RFX3: variants seen among roughly 807,000 people sequenced by gnomAD.
The protein encoded by RFX3 is regulatory factor X3.
In RFX3, 14 loss-of-function variants were observed where a neutral mutation model predicts 98.6. That is an observed-to-expected ratio of 0.14 (90% CI 0.09 to 0.22). The LOEUF is 0.22. RFX3 is among the 10% of genes least tolerant of loss of function. RFX3 has a pLI of 1.00. For missense variants in RFX3, 639 were observed against 926.9 expected (o/e 0.69, Z 4.03); for synonymous variants, 383 against 328.4 (o/e 1.17, Z -1.80).
At chr9:3,428,931 C>T (rs532347869) in intron 1 of RFX3, among the ~76,000 whole-genome samples, 2 of 152,130 alleles carry the variant, frequency 1.3e-5, no homozygotes, top group South Asian at 4.1e-4. Flanking sequence ...CCATTAGGCA[C>T]AGTGCCAAGG....
intron 1 of RFX3, among the ~76,000 whole-genome samples, chr9:3,436,795 A>T (rs1845164863): frequency 6.6e-6 from 1 of 152,056 alleles, no homozygotes; most frequent in South Asian, 2.1e-4. Flanking sequence ...GATCACACCC[A>T]ACTGGAATTC....
chr9:3,234,458 G>C (rs1004491960), intron 15 of RFX3, among the ~76,000 whole-genome samples: 9 of 152,102 alleles, frequency 5.9e-5, no homozygotes, highest in African/African-American at 2.2e-4. Flanking sequence ...GGGCAACATG[G>C]CAAAACCCCA....
In RFX3 at chr9:3,401,734, G is replaced by C. The variant is rs142031009; in HGVS notation, c.-8-6138C>G. ...GAGCAACAGATGCTTGTTTGACAAA[G>C]GACCTTTTTATTCTGGCTAATTAAG... On this transcript the variant is annotated intron_variant, in intron 1 of 16. Transcript: ENST00000617270. Among the ~76,000 whole-genome samples, 4 of 152,254 alleles carry C rather than the reference G, an allele frequency of 2.6e-5. No homozygotes were observed. In the East Asian group the frequency reaches 7.7e-4, roughly 29 times the overall value.
rs1586628048 is a variant in RFX3, at chr9:3,223,120, T to C, written c.*1922A>G. ...AAAGATAAACATCTTGGGTTTAATA[T>C]AGGCCTCATTTGATAATCTGTCAAT... is the stretch of plus-strand genomic sequence containing the variant. On this transcript the variant is annotated 3_prime_UTR_variant, in exon 17 of 17. Transcript: ENST00000617270. The C allele has an allele frequency of 6.6e-6, 1 of 151,898 alleles. No homozygotes were observed. 9.4% of individuals were successfully genotyped at this position (151,898 alleles called of 1,614,324 possible).
At chr9:3,448,531 A>T (rs577883866) in intron 1 of RFX3, among the ~76,000 whole-genome samples, 1 of 152,270 alleles carries the variant, frequency 6.6e-6, no homozygotes, top group African/African-American at 2.4e-5. Context: ...AAAAAAAAAT[A>T]GAGAAGGGTC....
intron 4 of RFX3, among the ~76,000 whole-genome samples, chr9:3,320,566 A>T (rs1223904141): frequency 6.6e-6 from 1 of 151,562 alleles, no homozygotes; most frequent in African/African-American, 2.4e-5. Flanking sequence ...TCCATAAAAA[A>T]AAACAAAAAA....
chr9:3,261,212 A>G (rs552739083), intron 13 of RFX3, among the ~76,000 whole-genome samples: 2 of 152,222 alleles, frequency 1.3e-5, no homozygotes, highest in Non-Finnish European at 2.9e-5. Flanking sequence ...GGATATTCAC[A>G]AAGTTGTACA....
intron 14 of RFX3, among the ~76,000 whole-genome samples, chr9:3,248,918 T>C: frequency 1.3e-5 from 2 of 152,300 alleles, no homozygotes; most frequent in East Asian, 3.9e-4. Context: ...AACTCTATTA[T>C]ATTTAAAATG....
Position 3,339,856 on chromosome 9 carries a change from A to C in RFX3, c.215+6811T>G, listed in dbSNP as rs906217329. 8.5e-5 allele frequency among the ~76,000 whole-genome samples: 13 copies of C among 152,254 alleles called. No homozygotes were observed. The South Asian group carries it at 1.0e-3, about 12-fold the overall frequency. On this transcript the variant is annotated intron_variant, in intron 3 of 16. Coordinates refer to ENST00000617270, the MANE Select transcript of RFX3 (RefSeq NM_001282116.2). ...GGTAATTTATAGATTCAATGCCATC[A>C]CCATCAAGCTACCGATGACTTTCTT...
intron 1 of RFX3, among the ~76,000 whole-genome samples, chr9:3,505,300 A>AAATATAAAATAAAATATTTTTATT (rs1816895694): frequency 3.9e-5 from 4 of 101,858 alleles, no homozygotes; most frequent in South Asian, 3.2e-4. Context: ...ATATTTATAT[A>AAATATAAAATAAAATATTTTTATT]TATATAAATA....
At chr9:3,225,813 C>A (rs529176438) in intron 16 of RFX3, among the ~76,000 whole-genome samples, 1 of 152,106 alleles carries the variant, frequency 6.6e-6, no homozygotes, top group Admixed American at 6.5e-5. Context: ...TGGCACTCAT[C>A]AATGTCACAG....
intron 3 of RFX3, among the ~76,000 whole-genome samples, chr9:3,340,914 A>G (rs1192866342): frequency 6.6e-6 from 1 of 152,234 alleles, no homozygotes; most frequent in Admixed American, 6.5e-5. Context: ...GTACATACCC[A>G]AAGGATTATA....
intron 1 of RFX3, among the ~76,000 whole-genome samples, chr9:3,427,151 T>TG (rs1354503846): frequency 6.7e-6 from 1 of 149,654 alleles, no homozygotes; most frequent in East Asian, 1.9e-4. Flanking sequence ...TTTTGACTAT[T>TG]GGTCATACTT....
At chr9:3,285,026 A>T (rs910790250) in intron 7 of RFX3, among the ~76,000 whole-genome samples, 1 of 151,790 alleles carries the variant, frequency 6.6e-6, no homozygotes, top group African/African-American at 2.4e-5. Flanking sequence ...CTATATAAAA[A>T]CAATAATCAT....
chr9:3,350,046 A>G (rs1232398662), intron 2 of RFX3, among the ~76,000 whole-genome samples: 1 of 152,168 alleles, frequency 6.6e-6, no homozygotes, highest in East Asian at 1.9e-4. Context: ...GAAAATCTAG[A>G]TAACCTTGGG....
chr9:3,320,275 G>A (rs961758967), intron 4 of RFX3, among the ~76,000 whole-genome samples: 1 of 152,058 alleles, frequency 6.6e-6, no homozygotes, highest in Non-Finnish European at 1.5e-5. Flanking sequence ...AGGATTGGCT[G>A]GGCGTGGTGG....
intron 1 of RFX3, among the ~76,000 whole-genome samples, chr9:3,398,102 G>A (rs1040315824): frequency 4.6e-5 from 7 of 152,078 alleles, no homozygotes; most frequent in African/African-American, 1.7e-4. Flanking sequence ...ACAAATGGTG[G>A]TTTATTTAAA....
intron 1 of RFX3, among the ~76,000 whole-genome samples, chr9:3,497,238 A>G (rs1851177256): frequency 1.3e-5 from 2 of 152,058 alleles, no homozygotes; most frequent in African/African-American, 4.8e-5. Context: ...ACTATTCTAT[A>G]AAGTGCTACA....
At chr9:3,326,492 T>C (rs1587081246) in intron 4 of RFX3, among the ~76,000 whole-genome samples, 1 of 152,142 alleles carries the variant, frequency 6.6e-6, no homozygotes, top group East Asian at 1.9e-4. Flanking sequence ...TGCCACCCTC[T>C]ACCCTCCTCT....
Sources: allele counts gnomAD v4.1 joint callset (sites outside exome capture counted in the v4.1 genomes callset), GRCh38; gene constraint gnomAD v4.1.1; transcripts MANE v1.5; gene names NCBI Gene and HGNC (gene_info 2026-07-23, HGNC 2026-07-21).